The following METTL25 variants were observed in gnomAD, a reference collection of about 807,000 sequenced individuals.
The protein encoded by METTL25 is methyltransferase like 25.
A neutral mutation model predicts 71.6 loss-of-function variants in METTL25; 64 were observed. The observed-to-expected ratio is 0.89, with a 90% CI of 0.73 to 1.10. METTL25 has a LOEUF of 1.10. Among genes scored for constraint, METTL25 ranks in the 50% least tolerant of loss-of-function variants. The pLI, the probability that METTL25 is intolerant of heterozygous loss-of-function variation, is 0.00. For synonymous variants in METTL25, 287 were observed against 250.3 expected (o/e 1.15, Z -1.38); for missense variants, 807 against 707.0 (o/e 1.14, Z -1.60).
intron 5 of METTL25, among the ~76,000 whole-genome samples, chr12:82,409,876 A>G (rs1887416860): frequency 6.6e-6 from 1 of 152,082 alleles, no homozygotes; most frequent in Admixed American, 6.6e-5. Flanking sequence ...GTGTCTTTCA[A>G]TCTGGTGCTG....
intron 8 of METTL25, among the ~76,000 whole-genome samples, chr12:82,449,939 C>G (rs1891023509): frequency 6.6e-6 from 1 of 152,086 alleles, no homozygotes; most frequent in South Asian, 2.1e-4. Flanking sequence ...TTCCATCACT[C>G]CAGCAAACCA....
At chr12:82,442,477 C>A (rs778680165) in intron 8 of METTL25, among the ~76,000 whole-genome samples, 1 of 152,086 alleles carries the variant, frequency 6.6e-6, no homozygotes, top group Non-Finnish European at 1.5e-5. Flanking sequence ...AAGCCAATCC[C>A]AAAAGGTTAT....
At chr12:82,383,741 CTTTATT>C (rs1221424897) in intron 1 of METTL25, among the ~76,000 whole-genome samples, 2 of 151,908 alleles carry the variant, frequency 1.3e-5, no homozygotes, top group Non-Finnish European at 2.9e-5. Context: ...GATTGTTTTA[CTTTATT>C]TTTATTTTTA....
chr12:82,453,784 G>T (rs969791227), intron 8 of METTL25, among the ~76,000 whole-genome samples: 1 of 151,852 alleles, frequency 6.6e-6, no homozygotes, highest in Non-Finnish European at 1.5e-5. Flanking sequence ...CTCTTATTTT[G>T]TAACTAGATG....
chr12:82,367,017 T>C (rs919736879), intron 1 of METTL25, among the ~76,000 whole-genome samples: 1 of 152,242 alleles, frequency 6.6e-6, no homozygotes, highest in African/African-American at 2.4e-5. Context: ...CTGTTTGAGA[T>C]ATAGAAAGTG....
intron 7 of METTL25, among the ~76,000 whole-genome samples, chr12:82,437,186 C>A (rs1434201137): frequency 6.6e-6 from 1 of 151,392 alleles, no homozygotes; most frequent in Middle Eastern, 3.2e-3. Context: ...ATCGTTTTTT[C>A]CTCAAGTGAA....
chr12:82,397,374 T>C (rs1252134275), intron 3 of METTL25, among the ~76,000 whole-genome samples: 1 of 152,136 alleles, frequency 6.6e-6, no homozygotes, highest in Non-Finnish European at 1.5e-5. Context: ...ATTCTAGATA[T>C]AAGTCCTTTC....
At chr12:82,433,713 G>C (rs894840575) in intron 6 of METTL25, among the ~76,000 whole-genome samples, 1 of 151,432 alleles carries the variant, frequency 6.6e-6, no homozygotes, top group African/African-American at 2.4e-5. Flanking sequence ...CTTATGAAAA[G>C]ATATTGTAAA....
intron 1 of METTL25, among the ~76,000 whole-genome samples, chr12:82,361,872 C>T (rs2136790398): frequency 6.6e-6 from 1 of 152,332 alleles, no homozygotes; most frequent in South Asian, 2.1e-4. Context: ...TCCCACAGTG[C>T]AGTGGTGGGC....
intron 7 of METTL25, among the ~76,000 whole-genome samples, chr12:82,437,839 T>G (rs1437591217): frequency 6.6e-6 from 1 of 151,670 alleles, no homozygotes; most frequent in Non-Finnish European, 1.5e-5. Flanking sequence ...TTACTCATTT[T>G]TTAAAAAAAT....
Position 82,477,274 on chromosome 12 carries a change from AT to A in METTL25, c.1648-3del. On this transcript the variant is annotated splice_region_variant and splice_polypyrimidine_tract_variant and intron_variant, in intron 10 of 11. Transcript: ENST00000248306. ...ACCAACCTACCTATCTAATTTTTTT[AT>A]TTTAGTTGAAAGTTGTACTGGCTCC... 2 of 1,479,228 alleles carry A rather than the reference AT, an allele frequency of 1.4e-6. No individual in the cohort carries two copies. The highest frequency in any genetic ancestry group is 1.8e-6 in the Non-Finnish European group (2 of 1,094,828). 91.6% of individuals were successfully genotyped at this position (1,479,228 alleles called of 1,614,324 possible).
chr12:82,373,331 G>A (rs772208817), intron 1 of METTL25, among the ~76,000 whole-genome samples: 2 of 152,092 alleles, frequency 1.3e-5, no homozygotes, highest in African/African-American at 4.8e-5. Context: ...CTTTTGTTAG[G>A]CCTGCTTGTC....
At chr12:82,392,723 A>G (rs1262154169) in intron 3 of METTL25, among the ~76,000 whole-genome samples, 2 of 152,050 alleles carry the variant, frequency 1.3e-5, no homozygotes, top group African/African-American at 4.8e-5. Flanking sequence ...CCAATGTCCT[A>G]GAGTGTTTCC....
At chr12:82,439,397 G>A (rs924559335) in intron 8 of METTL25, among the ~76,000 whole-genome samples, 2 of 151,726 alleles carry the variant, frequency 1.3e-5, no homozygotes, top group South Asian at 2.1e-4. Context: ...ATTCTGGCAT[G>A]CTTTATGAAT....
Position 82,456,030 on chromosome 12 carries a change from T to G in METTL25, c.1479-697T>G, listed in dbSNP as rs188472166. Among the ~76,000 whole-genome samples, 82 of 152,036 alleles carry G rather than the reference T, an allele frequency of 5.4e-4. 2 individuals carry two copies. Among genetic ancestry groups the G allele is most frequent in the Admixed American group, 1.2e-3 (18 of 15,270 alleles). Reference sequence around the variant, plus strand: ...TATTTTAAAGGAAGAATTGATAGAATGTTATGTCTAATTAATCAGAGGTGT... The same window carrying G: ...TATTTTAAAGGAAGAATTGATAGAAGGTTATGTCTAATTAATCAGAGGTGT... On this transcript the variant is annotated intron_variant, in intron 8 of 11. Coordinates refer to ENST00000248306, the MANE Select transcript of METTL25 (RefSeq NM_032230.3).
At chr12:82,426,859 T>C (rs1272748763) in intron 5 of METTL25, among the ~76,000 whole-genome samples, 1 of 151,894 alleles carries the variant, frequency 6.6e-6, no homozygotes, top group Non-Finnish European at 1.5e-5. Flanking sequence ...TCTGTTCCCA[T>C]GGAAAAATTT....
intron 5 of METTL25, among the ~76,000 whole-genome samples, chr12:82,428,466 G>A (rs533409261): frequency 1.3e-5 from 2 of 151,834 alleles, no homozygotes; most frequent in East Asian, 1.9e-4. Flanking sequence ...AATACTTATT[G>A]TAACCCTTTC....
chr12:82,428,455 A>G (rs1442831068), intron 5 of METTL25, among the ~76,000 whole-genome samples: 7 of 151,894 alleles, frequency 4.6e-5, no homozygotes, highest in African/African-American at 1.7e-4. Context: ...GAAAAAAATA[A>G]AATACTTATT....
At chr12:82,371,474 A>G (rs1300896708) in intron 1 of METTL25, among the ~76,000 whole-genome samples, 3 of 152,094 alleles carry the variant, frequency 2.0e-5, no homozygotes, top group Non-Finnish European at 2.9e-5. Flanking sequence ...AACAAGCCCT[A>G]CCGGGTGATT....
Sources: allele counts gnomAD v4.1 joint callset (sites outside exome capture counted in the v4.1 genomes callset), GRCh38; gene constraint gnomAD v4.1.1; transcripts MANE v1.5; gene names NCBI Gene and HGNC (gene_info 2026-07-23, HGNC 2026-07-21).